The following ENPP7 variants were observed in gnomAD, a reference collection of about 807,000 sequenced individuals.
ENPP7 encodes the protein ectonucleotide pyrophosphatase/phosphodiesterase family member 7.
ENPP7 carries 39 observed loss-of-function variants against 33.6 expected under a neutral mutation model. The observed-to-expected ratio is 1.16, with a 90% confidence interval of 0.90 to 1.52. ENPP7 has a LOEUF of 1.52. Ranked by LOEUF, ENPP7 falls within the 40% of genes most tolerant of loss-of-function variation. The pLI is 0.00. For synonymous variants in ENPP7, 244 were observed against 274.3 expected (o/e 0.89, Z 1.09); for missense variants, 594 against 641.0 (o/e 0.93, Z 0.79).
chr17:79,735,746 C>A lies in ENPP7; in HGVS notation c.1026+77C>A, dbSNP rs1305330866. The A allele has an allele frequency of 1.5e-6, 2 of 1,324,004 alleles. No individual in the cohort carries two copies. Among genetic ancestry groups the A allele is most frequent in the Non-Finnish European group, 2.1e-6 (2 of 973,100 alleles). The allele number at this position is 1,324,004 out of a possible 1,614,324, so 82.0% of individuals were successfully genotyped here. ...GGGTCTTCTTTTTTTTTTTTTGAGA[C>A]CAGGGTCTTGCTCTGTTGCCCAGGC... On this transcript the variant is annotated intron_variant, in intron 3 of 5. Coordinates refer to ENST00000328313, the MANE Select transcript of ENPP7 (RefSeq NM_178543.5). The surrounding 1 kb of genome is among the most constrained non-coding windows in gnomAD (Gnocchi z 5.5).
Position 79,738,082 on chromosome 17 carries a change from G to T in ENPP7, c.*16+20G>T. On this transcript the variant is annotated intron_variant, in intron 5 of 5. Transcript: ENST00000328313. This position sits in a 1 kb window ranked among gnomAD's most constrained non-coding sequence, Gnocchi z 6.2. ...CTCAAGGTCAGAGACCCAGAAGGCA[G>T]AGGCGGGAGGGTGGCCCCACGCTCC... 1 of 1,600,084 alleles carries T rather than the reference G, an allele frequency of 6.2e-7. No individual in the cohort carries two copies.
chr17:79,733,808 G>T (rs2094290480), intron 2 of ENPP7, among the ~76,000 whole-genome samples, 155 bp downstream of exon 2: 1 of 152,170 alleles, frequency 6.6e-6, no homozygotes. Flanking sequence ...TGTGAAGTAG[G>T]GCCCCAAAAG....
intron 5 of ENPP7, among the ~76,000 whole-genome samples, chr17:79,741,350 A>C (rs1555824521): frequency 1.3e-5 from 2 of 152,182 alleles, no homozygotes; most frequent in African/African-American, 2.4e-5. Flanking sequence ...AGTTAAAGGC[A>C]CATTGTGGAA....
chr17:79,740,433 T>A (rs2094303237), intron 5 of ENPP7, among the ~76,000 whole-genome samples: 2 of 152,036 alleles, frequency 1.3e-5, no homozygotes, highest in African/African-American at 4.8e-5. Context: ...AGTTTTAAGG[T>A]CCTGGTCCCG....
intron 3 of ENPP7, among the ~76,000 whole-genome samples, chr17:79,736,067 C>T (rs1555823549): frequency 6.6e-6 from 1 of 152,144 alleles, no homozygotes; most frequent in Admixed American, 6.5e-5. Context: ...CCATGCCTGA[C>T]TAATTTTTTG....
intron 1 of ENPP7, 138 bp downstream of exon 1, chr17:79,731,530 C>G: frequency 8.8e-7 from 1 of 1,137,686 alleles, no homozygotes; most frequent in African/African-American, 1.6e-5. Context: ...ATTAGGAATC[C>G]TCACCGTTGG....
intron 2 of ENPP7, among the ~76,000 whole-genome samples, chr17:79,734,479 A>AT (rs5822293): frequency 0.71 from 98,822 of 140,000 alleles, 38,522 homozygotes; most frequent in East Asian, 0.94. Context: ...ATCTGGGAAC[A>AT]TTTTTTTTTT....
rs782048077 is a variant in ENPP7 at position 79,737,233 on chromosome 17, G to A, written c.1219G>A (p.Ala407Thr). 6 of 1,608,744 alleles carry A rather than the reference G, an allele frequency of 3.7e-6. No individual in the cohort carries two copies. Among genetic ancestry groups the A allele is most frequent in the Non-Finnish European group, 5.1e-6 (6 of 1,179,542 alleles). Residue 407 changes from alanine (A) to threonine (T), a missense_variant, in exon 4 of 6, where the codon GCT becomes ACT. Ala to Thr is a moderately conservative substitution (Grantham distance 58). This residue lies in a region of ENPP7 where 504 missense variants were observed against 512.8 expected (regional missense o/e 0.98). Coordinates refer to ENST00000328313, the MANE Select transcript of ENPP7 (RefSeq NM_178543.5). The surrounding 1 kb of genome is among the most constrained non-coding windows in gnomAD (Gnocchi z 5.5). ...IVPEANDGHL[A>T]TLLPMLHTES... ...GCCCGAGGCCAACGATGGGCACCTA[G>A]CTACTCTGCTGCCCATGCTGCACAC...
intron 3 of ENPP7, among the ~76,000 whole-genome samples, chr17:79,736,500 G>A (rs564903780): frequency 7.2e-5 from 11 of 152,090 alleles, no homozygotes; most frequent in Non-Finnish European, 1.3e-4. Flanking sequence ...GTGTGTGCAC[G>A]TCTGTATCCA....
chr17:79,738,130 C>T lies in ENPP7; in HGVS notation c.*16+68C>T. ...TCCCTGACCCTCCACCCTGATGTCCCAGCTACAGTCCTAGGCAACCAGAAC... is the reference window on the plus strand; with the variant it reads ...TCCCTGACCCTCCACCCTGATGTCCTAGCTACAGTCCTAGGCAACCAGAAC... On this transcript the variant is annotated intron_variant, in intron 5 of 5. Transcript: ENST00000328313. The surrounding 1 kb of genome is among the most constrained non-coding windows in gnomAD (Gnocchi z 6.2). 6.6e-7 allele frequency: 1 copy of T among 1,516,030 alleles called. No individual in the cohort carries two copies. The highest frequency in any genetic ancestry group is 1.2e-5 in the South Asian group (1 of 86,612). 93.9% of individuals were successfully genotyped at this position (1,516,030 alleles called of 1,614,324 possible).
chr17:79,737,032 C>G lies in ENPP7; in HGVS notation c.1027-9C>G. The G allele has an allele frequency of 6.2e-7, 1 of 1,613,562 alleles. No individual in the cohort carries two copies. Among genetic ancestry groups the G allele is most frequent in the Non-Finnish European group, 8.5e-7 (1 of 1,179,704 alleles). ...CAAGGACCCAGGACCCTTGCCCGCT[C>G]CCCGGCAGAGAATTAACGTCCAGTT... On this transcript the variant is annotated splice_polypyrimidine_tract_variant and intron_variant, in intron 3 of 5. Coordinates refer to ENST00000328313, the MANE Select transcript of ENPP7 (RefSeq NM_178543.5). This position sits in a 1 kb window ranked among gnomAD's most constrained non-coding sequence, Gnocchi z 5.5.
chr17:79,733,455 T>C (rs1296490043), intron 1 of ENPP7, 53 bp from the exon 2 acceptor site: 3 of 1,584,162 alleles, frequency 1.9e-6, no homozygotes, highest in Non-Finnish European at 2.6e-6. Flanking sequence ...GGGTCCGGCC[T>C]TCGCTGTGAC....
At chr17:79,734,031 T>C (rs538327780) in intron 2 of ENPP7, among the ~76,000 whole-genome samples, 15 of 152,216 alleles carry the variant, frequency 9.9e-5, no homozygotes, top group Admixed American at 9.8e-4. Flanking sequence ...AAGAAAGCAT[T>C]TAACAATTAG....
intron 5 of ENPP7, among the ~76,000 whole-genome samples, chr17:79,740,020 C>T (rs2094302600): frequency 6.6e-6 from 1 of 152,208 alleles, no homozygotes. Context: ...AGTTAGACCC[C>T]GTCTCTGTAG....
Position 79,737,853 on chromosome 17 carries a change from T to C in ENPP7, c.1247-63T>C. 6.3e-7 allele frequency: 1 copy of C among 1,578,514 alleles called. No homozygotes were observed. The highest frequency in any genetic ancestry group is 2.2e-5 in the East Asian group (1 of 44,540). On this transcript the variant is annotated intron_variant, in intron 4 of 5. Coordinates refer to ENST00000328313, the MANE Select transcript of ENPP7 (RefSeq NM_178543.5). This position sits in a 1 kb window ranked among gnomAD's most constrained non-coding sequence, Gnocchi z 5.5. ...GACCAACAGAGGACCCCGAGTTTAC[T>C]GTGGAGAGGCTGGGGTGAGGAGCCA...
rs148504454 is a variant in ENPP7, at chr17:79,737,219, A to G, written c.1205A>G (p.Asn402Ser). ...CTGCTGGGCATCGTGCCCGAGGCCA[A>G]CGATGGGCACCTAGCTACTCTGCTG... ...CRLLGIVPEA[N>S]DGHLATLLPM... The change falls in exon 4 of 6, where the codon AAC (asparagine) becomes AGC (serine). Residue 402 changes from asparagine (N) to serine (S), a missense_variant. Asn to Ser is a conservative substitution (Grantham distance 46, BLOSUM62 1). Around this residue, in one of 3 missense-constraint regions of ENPP7, gnomAD observed 504 missense variants for 512.8 expected, o/e 0.98. Transcript: ENST00000328313. This position sits in a 1 kb window ranked among gnomAD's most constrained non-coding sequence, Gnocchi z 5.5. 2.9e-3 allele frequency: 4,741 copies of G among 1,611,304 alleles called. 33 individuals carry two copies. The Middle Eastern group carries it at 0.034, about 11-fold the overall frequency.
In ENPP7 at chr17:79,735,236, C is replaced by T. The variant is rs782056559; in HGVS notation, c.593C>T (p.Pro198Leu). ...CTGGTCACACTCTACTTCGGGGAGC[C>T]GGACTCCACGGGCCACAGGTACGGC... ...LDLVTLYFGEPDSTGHRYGPE... is the reference protein window; with the variant it reads ...LDLVTLYFGELDSTGHRYGPE... The change falls in exon 3 of 6, where the codon CCG becomes CTG. Residue 198 changes from proline (P) to leucine (L), a missense_variant. Physicochemically the swap from Pro to Leu is moderately conservative, Grantham distance 98 (BLOSUM62 -3). This residue lies in a region of ENPP7 where 504 missense variants were observed against 512.8 expected (regional missense o/e 0.98). Coordinates refer to ENST00000328313, the MANE Select transcript of ENPP7 (RefSeq NM_178543.5). The surrounding 1 kb of genome is among the most constrained non-coding windows in gnomAD (Gnocchi z 5.5). 1.2e-5 allele frequency: 20 copies of T among 1,613,278 alleles called. No homozygotes were observed. The East Asian group carries it at 2.2e-4, about 18-fold the overall frequency.
Position 79,741,874 on chromosome 17 carries a change from C to A in ENPP7, c.*97C>A, listed in dbSNP as rs1292042350. On this transcript the variant is annotated 3_prime_UTR_variant, in exon 6 of 6. Coordinates refer to ENST00000328313, the MANE Select transcript of ENPP7 (RefSeq NM_178543.5). ...TGCTGGTCGCGGACGGACCCTGCCTCCCCAGCTTATCCCAGGCCAGAGGCT... is the reference window on the plus strand; with the variant it reads ...TGCTGGTCGCGGACGGACCCTGCCTACCCAGCTTATCCCAGGCCAGAGGCT... 18 of 985,576 alleles carry A rather than the reference C, an allele frequency of 1.8e-5. No homozygotes were observed. Among genetic ancestry groups the A allele is most frequent in the Non-Finnish European group, 2.0e-5 (17 of 830,158 alleles). 61.1% of individuals were successfully genotyped at this position (985,576 alleles called of 1,614,324 possible).
chr17:79,737,880 C>A lies in ENPP7; in HGVS notation c.1247-36C>A, dbSNP rs1479257471. 6.2e-7 allele frequency: 1 copy of A among 1,609,886 alleles called. No homozygotes were observed. Among genetic ancestry groups the A allele is most frequent in the South Asian group, 1.1e-5 (1 of 91,014 alleles). On this transcript the variant is annotated intron_variant, in intron 4 of 5. Transcript: ENST00000328313. This position sits in a 1 kb window ranked among gnomAD's most constrained non-coding sequence, Gnocchi z 5.5. ...TGGAGAGGCTGGGGTGAGGAGCCAT[C>A]CCTCTCTCCCTCACAGGTCCTCTGG...
Sources: allele counts gnomAD v4.1 joint callset (sites outside exome capture counted in the v4.1 genomes callset), GRCh38; gene constraint gnomAD v4.1.1; regional missense constraint gnomAD v4.1.1; non-coding constraint Gnocchi (gnomAD v3.1); transcripts MANE v1.5; gene names NCBI Gene and HGNC (gene_info 2026-07-23, HGNC 2026-07-21).